Variants in FOXN3 observed in about 807,000 individuals in gnomAD.
FOXN3 encodes the protein forkhead box protein N3.
A neutral mutation model predicts 38.4 loss-of-function variants in FOXN3; 7 were observed. The ratio of observed to expected loss-of-function variants is 0.18; its 90% CI spans 0.10 to 0.34. The LOEUF is 0.34. Ranked by LOEUF, FOXN3 falls within the 10% of genes least tolerant of loss-of-function variation. The pLI, the probability that FOXN3 is intolerant of heterozygous loss-of-function variation, is 1.00. For missense variants in FOXN3, 456 were observed against 613.4 expected (o/e 0.74, Z 2.71); for synonymous variants, 230 against 242.2 (o/e 0.95, Z 0.47).
intron 4 of FOXN3, among the ~76,000 whole-genome samples, chr14:89,248,491 C>T (rs1050837162): frequency 6.6e-6 from 1 of 152,238 alleles, no homozygotes; most frequent in Admixed American, 6.5e-5. Context: ...CAGCTTTAAG[C>T]TGACATGGGC....
chr14:89,565,268 G>A (rs1442938690), intron 1 of FOXN3, among the ~76,000 whole-genome samples: 1 of 152,016 alleles, frequency 6.6e-6, no homozygotes, highest in Non-Finnish European at 1.5e-5. Flanking sequence ...ATCCCCTCCT[G>A]GAGCCTTCAG....
chr14:89,420,621 G>C (rs1473136976), upstream of FOXN3, among the ~76,000 whole-genome samples: 1 of 152,304 alleles, frequency 6.6e-6, no homozygotes, highest in East Asian at 1.9e-4. Flanking sequence ...TACCAAATCT[G>C]ACTTGATTGT....
chr14:89,344,375 A>G (rs1233557269), intron 3 of FOXN3, among the ~76,000 whole-genome samples: 1 of 152,200 alleles, frequency 6.6e-6, no homozygotes, highest in African/African-American at 2.4e-5. Flanking sequence ...TTTCTTTGGA[A>G]TTACCAAGGA....
intron 1 of FOXN3, among the ~76,000 whole-genome samples, chr14:89,477,606 G>A (rs547061766): frequency 6.6e-6 from 1 of 152,310 alleles, no homozygotes; most frequent in South Asian, 2.1e-4. Flanking sequence ...CAGCCAAGGG[G>A]CAAAGACTTT....
chr14:89,617,357 T>G (rs1053010143), intron 1 of FOXN3, among the ~76,000 whole-genome samples: 25 of 152,250 alleles, frequency 1.6e-4, no homozygotes, highest in African/African-American at 5.8e-4. Flanking sequence ...CTCTTGGATG[T>G]GAAATGCATT....
chr14:89,204,487 G>A (rs1439903698), intron 4 of FOXN3, among the ~76,000 whole-genome samples: 1 of 152,288 alleles, frequency 6.6e-6, no homozygotes, highest in Admixed American at 6.5e-5. Context: ...GAAAAAAATA[G>A]AAAAGCCAAT....
intron 1 of FOXN3, chr14:89,576,550 AC>A (rs398026106): frequency 1.6e-4 from 24 of 146,186 alleles, no homozygotes; most frequent in Admixed American, 1.4e-3. Context: ...AAAAAAAAAA[AC>A]CCAAAACAAA....
intron 1 of FOXN3, among the ~76,000 whole-genome samples, chr14:89,570,477 A>G (rs889386383): frequency 2.0e-5 from 3 of 152,020 alleles, no homozygotes; most frequent in African/African-American, 4.8e-5. Flanking sequence ...TGATGCATTA[A>G]GAAGCTCTCC....
At position 89,484,082 on chromosome 14, in the gene FOXN3, C is replaced by G. The variant is rs548023647; in HGVS notation, c.-14-71592G>C. Reference sequence around the variant, plus strand: ...CCTAAGACGAAATGGCCTCATGTTGCATCTAGGTTTTATTTTAAGTTAAAG... The same window carrying G: ...CCTAAGACGAAATGGCCTCATGTTGGATCTAGGTTTTATTTTAAGTTAAAG... On this transcript the variant is annotated intron_variant, in intron 1 of 6. Coordinates refer to the FOXN3 transcript ENST00000345097. The surrounding 1 kb of genome is among the most constrained non-coding windows in gnomAD (Gnocchi z 4.0). Among the ~76,000 whole-genome samples the G allele has an allele frequency of 1.1e-4, 16 of 152,290 alleles. No individual in the cohort carries two copies. The highest frequency in any genetic ancestry group is 3.4e-4 in the African/African-American group (14 of 41,552).
At chr14:89,572,190 T>TATAC (rs1339339789) in intron 1 of FOXN3, among the ~76,000 whole-genome samples, 1 of 152,214 alleles carries the variant, frequency 6.6e-6, no homozygotes, top group Non-Finnish European at 1.5e-5. Context: ...ATCACTAAAG[T>TATAC]ATACAGATCA....
At chr14:89,234,872 C>CT (rs1884934795) in intron 4 of FOXN3, among the ~76,000 whole-genome samples, 1 of 152,174 alleles carries the variant, frequency 6.6e-6, no homozygotes, top group African/African-American at 2.4e-5. Flanking sequence ...TCGTTGCCAG[C>CT]AGGGCTGCCC....
chr14:89,293,441 G>T (rs1886938376), intron 3 of FOXN3, among the ~76,000 whole-genome samples: 1 of 152,220 alleles, frequency 6.6e-6, no homozygotes, highest in East Asian at 1.9e-4. Context: ...TCCTTCAGCA[G>T]GCTGTGGGGG....
At position 89,163,761 on chromosome 14, in the gene FOXN3, C is replaced by T. The variant is rs1249357258; in HGVS notation, c.852-792G>A. Among the ~76,000 whole-genome samples, 1 of 152,214 alleles carries T rather than the reference C, an allele frequency of 6.6e-6. No individual in the cohort carries two copies. Among genetic ancestry groups the T allele is most frequent in the African/African-American group, 2.4e-5 (1 of 41,454 alleles). On this transcript the variant is annotated intron_variant, in intron 5 of 5. Transcript: ENST00000557258. The surrounding 1 kb of genome is among the most constrained non-coding windows in gnomAD (Gnocchi z 4.3). ...TATTAGCATCCTTATTTTACAGTGG[C>T]TCGAAGTGAAGCCTGGAGAAGTTCA...
chr14:89,194,594 A>G (rs939814026), intron 4 of FOXN3, among the ~76,000 whole-genome samples: 1 of 152,140 alleles, frequency 6.6e-6, no homozygotes, highest in African/African-American at 2.4e-5. Context: ...CTTCAGAGCC[A>G]ACAGCCTCCT....
chr14:89,354,861 T>A (rs1238711592), intron 2 of FOXN3, among the ~76,000 whole-genome samples: 1 of 151,480 alleles, frequency 6.6e-6, no homozygotes, highest in Non-Finnish European at 1.5e-5. Context: ...TCTCAAAAAA[T>A]AAATAAATAA....
chr14:89,493,175 A>T (rs1259441042), intron 1 of FOXN3, among the ~76,000 whole-genome samples: 3 of 152,338 alleles, frequency 2.0e-5, no homozygotes, highest in Non-Finnish European at 1.5e-5. Flanking sequence ...GCCATTTTAC[A>T]TTCTCTTCAC....
intron 4 of FOXN3, among the ~76,000 whole-genome samples, chr14:89,268,992 C>T (rs1045891870): frequency 6.6e-6 from 1 of 152,226 alleles, no homozygotes; most frequent in African/African-American, 2.4e-5. Flanking sequence ...AAATACAATA[C>T]ACAAATGATC....
intron 1 of FOXN3, among the ~76,000 whole-genome samples, chr14:89,441,794 C>T (rs1264480599): frequency 6.6e-6 from 1 of 152,160 alleles, no homozygotes; most frequent in Non-Finnish European, 1.5e-5. Context: ...CCTGGAGGGT[C>T]CCTATGGATT....
chr14:89,251,677 T>A (rs1171373236), intron 4 of FOXN3, among the ~76,000 whole-genome samples: 2 of 152,232 alleles, frequency 1.3e-5, no homozygotes, highest in Non-Finnish European at 1.5e-5. Context: ...GATATAAAGA[T>A]CCCACTCAAC....
Sources: gnomAD v4.1 joint callset for allele counts (sites outside exome capture counted in the v4.1 genomes callset) on GRCh38, gnomAD v4.1.1 for gene constraint, Gnocchi (gnomAD v3.1) non-coding constraint, MANE v1.5 for transcripts, NCBI Gene and HGNC (gene_info 2026-07-23, HGNC 2026-07-21) for gene names.